MAP3K2: variants seen among roughly 807,000 people sequenced by gnomAD.
The protein encoded by MAP3K2 is MAP/ERK kinase kinase 2.
A neutral mutation model predicts 80.3 loss-of-function variants in MAP3K2; 24 were observed. The observed-to-expected ratio is 0.30, with a 90% CI of 0.22 to 0.42. MAP3K2 has a LOEUF of 0.42. MAP3K2 is among the 10% of genes least tolerant of loss of function. MAP3K2 has a pLI of 1.00. For missense variants in MAP3K2, 608 were observed against 750.1 expected (o/e 0.81, Z 2.21); for synonymous variants, 244 against 253.7 (o/e 0.96, Z 0.36).
At chr2:127,353,722 A>C (rs1407264434) in intron 1 of MAP3K2, among the ~76,000 whole-genome samples, 1 of 151,692 alleles carries the variant, frequency 6.6e-6, no homozygotes, top group Non-Finnish European at 1.5e-5. Flanking sequence ...CTGCCCGGCC[A>C]CCACCCCGTC....
chr2:127,353,331 A>T (rs997078868), intron 1 of MAP3K2, among the ~76,000 whole-genome samples: 2 of 150,244 alleles, frequency 1.3e-5, no homozygotes, highest in Non-Finnish European at 3.0e-5. Flanking sequence ...GGATGTGAGG[A>T]GCGCCTCCGC....
At position 127,322,117 on chromosome 2, in the gene MAP3K2, C is replaced by T. The variant is rs757902465; in HGVS notation, c.974G>A (p.Arg325Gln). Reference protein sequence around the residue: ...SIFTPEYDDSRIRRRGSDIDN... With the variant: ...SIFTPEYDDSQIRRRGSDIDN... ...TATGTCACTTCCCCTTCTTCTTATT[C>T]GACTATCATCATACTCTGGGGTAAA... Residue 325 changes from arginine (R) to glutamine (Q), a missense_variant, in exon 12 of 17, where the codon CGA becomes CAA. Transcript: ENST00000682094. This position sits in a 1 kb window ranked among gnomAD's most constrained non-coding sequence, Gnocchi z 4.2. 7.4e-6 allele frequency: 12 copies of T among 1,613,750 alleles called. No homozygotes were observed. Among genetic ancestry groups the T allele is most frequent in the South Asian group, 1.1e-5 (1 of 91,038 alleles).
At chr2:127,317,493 T>G in intron 14 of MAP3K2, 136 bp downstream of exon 14, 1 of 637,586 alleles carries the variant, frequency 1.6e-6, no homozygotes, top group Non-Finnish European at 2.5e-6. Flanking sequence ...AAAATACTAC[T>G]CAGCTCTAAT....
chr2:127,350,614 T>C (rs1035729378), intron 1 of MAP3K2, among the ~76,000 whole-genome samples: 4 of 151,956 alleles, frequency 2.6e-5, no homozygotes, highest in Admixed American at 6.6e-5. Context: ...CAATCATCAA[T>C]AGAAATAATT....
chr2:127,388,243 C>T (rs993842170), upstream of MAP3K2: 2 of 974,302 alleles, frequency 2.1e-6, no homozygotes, highest in South Asian at 4.8e-5. Flanking sequence ...GCGGCGCATA[C>T]GCACCTGGGT....
At chr2:127,333,225 C>T (rs941500440) in intron 5 of MAP3K2, among the ~76,000 whole-genome samples, 1 of 151,250 alleles carries the variant, frequency 6.6e-6, no homozygotes, top group Non-Finnish European at 1.5e-5. Context: ...ACATCCAACC[C>T]CCATGACACA....
At position 127,387,694 on chromosome 2, in the gene MAP3K2, G is replaced by A; in HGVS notation, c.-308C>T. 1.0e-6 allele frequency: 1 copy of A among 985,290 alleles called. No homozygotes were observed. Among genetic ancestry groups the A allele is most frequent in the Non-Finnish European group, 1.2e-6 (1 of 829,916 alleles). 61.0% of individuals were successfully genotyped at this position (985,290 alleles called of 1,614,324 possible). A position where few individuals can be genotyped will look rare whatever the true frequency, so the allele number is the denominator to read the frequency against. ...GGCGCGTGAATCCTCGCAGCCGGCC[G>A]GGTCCTCCTGGCGCTCCTCGGCACT... On this transcript the variant is annotated 5_prime_UTR_variant, in exon 1 of 17. Coordinates refer to ENST00000682094, the MANE Select transcript of MAP3K2 (RefSeq NM_001371910.2).
chr2:127,366,866 G>GTTTTTTTTTTTTTTTT (rs367670762), intron 1 of MAP3K2, among the ~76,000 whole-genome samples: 1 of 85,088 alleles, frequency 1.2e-5, no homozygotes, highest in Non-Finnish European at 2.1e-5. Flanking sequence ...ACAGTCAAGG[G>GTTTTTTTTTTTTTTTT]TTTTTTTTTT....
chr2:127,364,866 G>A lies in MAP3K2; in HGVS notation c.-65-21672C>T, dbSNP rs182506590. On this transcript the variant is annotated intron_variant, in intron 1 of 16. Coordinates refer to ENST00000682094, the MANE Select transcript of MAP3K2 (RefSeq NM_001371910.2). The surrounding 1 kb of genome is among the most constrained non-coding windows in gnomAD (Gnocchi z 4.1). ...CTATTGACCAGGCGCAGTGGCTCAC[G>A]CCTGTAATCCTAGCACTGTGGAAGG... is the stretch of plus-strand genomic sequence containing the variant. Among the ~76,000 whole-genome samples, 80 of 152,002 alleles carry A rather than the reference G, an allele frequency of 5.3e-4. No individual in the cohort carries two copies. Among genetic ancestry groups the A allele is most frequent in the African/African-American group, 1.8e-3 (75 of 41,468 alleles).
chr2:127,326,085 C>A (rs556994686), intron 8 of MAP3K2, among the ~76,000 whole-genome samples: 16 of 152,126 alleles, frequency 1.1e-4, no homozygotes, highest in African/African-American at 3.9e-4. Context: ...GAAAAATATT[C>A]TTTCTCTATA....
Position 127,387,495 on chromosome 2 carries a change from GGCCGCCCCC to G in MAP3K2, c.-118_-110del, listed in dbSNP as rs1340180350. On this transcript the variant is annotated 5_prime_UTR_variant, in exon 1 of 17. Transcript: ENST00000682094. ...GTAGAGAGCCGCAGGCCCAAGGAGG[GGCCGCCCCC>G]GCCGAGCCCGCCCCTCCGCCCCAGC... is the stretch of plus-strand genomic sequence containing the variant. 5 of 984,992 alleles carry G rather than the reference GGCCGCCCCC, an allele frequency of 5.1e-6. No individual in the cohort carries two copies. In the African/African-American group the frequency reaches 5.3e-5, roughly 10 times the overall value. 61.0% of individuals were successfully genotyped at this position (984,992 alleles called of 1,614,324 possible). A position where few individuals can be genotyped will look rare whatever the true frequency, so the allele number is the denominator to read the frequency against.
chr2:127,341,688 A>G lies in MAP3K2; in HGVS notation c.4+1438T>C, dbSNP rs577945604. Among the ~76,000 whole-genome samples the G allele has an allele frequency of 4.5e-4, 69 of 151,794 alleles. 1 individual carries two copies. Among genetic ancestry groups the G allele is most frequent in the Admixed American group, 1.5e-3 (23 of 15,244 alleles). On this transcript the variant is annotated intron_variant, in intron 2 of 16. Transcript: ENST00000682094. The stretch of plus-strand genomic sequence containing the variant: ...GCTGGGACTACAGGCGCACGCCACC[A>G]TGCCTGGCTAATTTTTTGTATTTTT...
chr2:127,330,539 TC>T (rs750353656), intron 5 of MAP3K2, 34 bp from the exon 6 acceptor site: 5 of 1,055,090 alleles, frequency 4.7e-6, no homozygotes, highest in Non-Finnish European at 7.2e-6. Context: ...TGCAGCTATC[TC>T]ACCAGGTCAA....
At position 127,310,375 on chromosome 2, in the gene MAP3K2, G is replaced by T. The variant is rs1685786501; in HGVS notation, c.1457-1613C>A. Among the ~76,000 whole-genome samples the T allele has an allele frequency of 6.6e-6, 1 of 152,202 alleles. No individual in the cohort carries two copies. Among genetic ancestry groups the T allele is most frequent in the Admixed American group, 6.5e-5 (1 of 15,282 alleles). ...TAAAAAAACAAGATATTGGCCAGGT[G>T]CAGTGGCACACACCTGTACTCCTAG... is the stretch of plus-strand genomic sequence containing the variant. On this transcript the variant is annotated intron_variant, in intron 15 of 16. Transcript: ENST00000682094. The surrounding 1 kb of genome is among the most constrained non-coding windows in gnomAD (Gnocchi z 4.8).
chr2:127,349,166 CTT>C (rs111941552), intron 1 of MAP3K2, among the ~76,000 whole-genome samples: 2 of 147,466 alleles, frequency 1.4e-5, no homozygotes, highest in Non-Finnish European at 1.5e-5. Flanking sequence ...TCTTTTCTTT[CTT>C]TTTTTTTTTG....
intron 13 of MAP3K2, 64 bp downstream of exon 13, chr2:127,318,105 T>C: frequency 7.4e-7 from 1 of 1,352,510 alleles, no homozygotes; most frequent in Non-Finnish European, 9.8e-7. Context: ...GGCTTAATGT[T>C]AAAAAATAAT....
chr2:127,360,561 T>C (rs1427712197), intron 1 of MAP3K2, among the ~76,000 whole-genome samples: 1 of 152,202 alleles, frequency 6.6e-6, no homozygotes, highest in Non-Finnish European at 1.5e-5. Flanking sequence ...CATAATTATA[T>C]ACTTCAAATG....
chr2:127,309,778 A>G (rs1685775913), intron 15 of MAP3K2, among the ~76,000 whole-genome samples: 1 of 152,106 alleles, frequency 6.6e-6, no homozygotes. Flanking sequence ...TTGGAGGAAG[A>G]CCGCAGCTAA....
chr2:127,338,870 T>A (rs894847256), intron 3 of MAP3K2, 62 bp downstream of exon 3: 4 of 1,099,596 alleles, frequency 3.6e-6, no homozygotes, highest in Non-Finnish European at 5.3e-6. Context: ...AAACAAGTCC[T>A]CCATAAGATT....
Sources: allele counts gnomAD v4.1 joint callset (sites outside exome capture counted in the v4.1 genomes callset), GRCh38; gene constraint gnomAD v4.1.1; non-coding constraint Gnocchi (gnomAD v3.1); transcripts MANE v1.5; gene names NCBI Gene and HGNC (gene_info 2026-07-23, HGNC 2026-07-21).